NUFIP1: variants seen among roughly 807,000 people sequenced by gnomAD.
The protein encoded by NUFIP1 is FMR1-interacting protein NUFIP1.
NUFIP1 carries 38 observed loss-of-function variants against 56.2 expected under a neutral mutation model. That is an observed-to-expected ratio of 0.68 (90% CI 0.52 to 0.89). The LOEUF (loss-of-function observed/expected upper bound fraction) is 0.89. Among genes scored for constraint, NUFIP1 ranks in the 40% least tolerant of loss-of-function variants. The pLI is 0.00. For synonymous variants in NUFIP1, 215 were observed against 212.4 expected (o/e 1.01, Z -0.10); for missense variants, 567 against 605.8 (o/e 0.94, Z 0.67).
chr13:44,989,437 A>T lies in NUFIP1; in HGVS notation c.-1T>A. The T allele has an allele frequency of 3.1e-6, 5 of 1,613,052 alleles. No homozygotes were observed. The highest frequency in any genetic ancestry group is 4.2e-6 in the Non-Finnish European group (5 of 1,179,594). On this transcript the variant is annotated 5_prime_UTR_variant, in exon 1 of 10. Transcript: ENST00000379161. ...CGAAATCACTAGTCGGCTCAGCCAT[A>T]CCACTGGCGGGTCCGGAGTCTAGCA...
intron 1 of NUFIP1, among the ~76,000 whole-genome samples, chr13:44,982,618 T>G (rs1423825140): frequency 6.6e-6 from 1 of 151,810 alleles, no homozygotes; most frequent in Non-Finnish European, 1.5e-5. Flanking sequence ...TCCTATATTG[T>G]CTTCCAGTTC....
At chr13:44,969,244 G>A (rs1035055561) in intron 5 of NUFIP1, among the ~76,000 whole-genome samples, 7 of 151,544 alleles carry the variant, frequency 4.6e-5, no homozygotes, top group East Asian at 1.9e-4. Context: ...GCACATTATC[G>A]CAAAAAAGAA....
chr13:44,947,520 T>C (rs986970505), intron 8 of NUFIP1, among the ~76,000 whole-genome samples: 1 of 152,136 alleles, frequency 6.6e-6, no homozygotes, highest in Admixed American at 6.5e-5. Context: ...ATTGCAGACA[T>C]GAGCCACCGT....
intron 5 of NUFIP1, among the ~76,000 whole-genome samples, chr13:44,970,971 C>T (rs964844181): frequency 1.3e-4 from 20 of 152,246 alleles, no homozygotes; most frequent in African/African-American, 4.3e-4. Flanking sequence ...CCACCACGCC[C>T]GGCCCATAAT....
intron 1 of NUFIP1, among the ~76,000 whole-genome samples, chr13:44,984,707 G>T (rs1030389230): frequency 6.6e-6 from 1 of 151,954 alleles, no homozygotes; most frequent in Non-Finnish European, 1.5e-5. Context: ...ATGCAGAATT[G>T]AATTTTTTTT....
intron 1 of NUFIP1, among the ~76,000 whole-genome samples, chr13:44,984,051 T>C (rs1872294747): frequency 6.6e-6 from 1 of 152,168 alleles, no homozygotes; most frequent in South Asian, 2.1e-4. Context: ...TTTATTTTCT[T>C]ACCCTACCCT....
rs1022580031 is a variant in NUFIP1, at chr13:44,943,558, T to C, written c.1255A>G (p.Lys419Glu). The change falls in exon 9 of 10, where the codon AAG becomes GAG. Residue 419 changes from lysine to glutamate, a missense_variant. Transcript: ENST00000379161. ...KATVRNFSEA[K>E]SENRKKSFEK... ...AAGCTTTTCTTTCGGTTCTCACTCT[T>C]GGCTTCTGAAAAATTTCTAACAGTT... is the stretch of plus-strand genomic sequence containing the variant. 1.9e-6 allele frequency: 3 copies of C among 1,614,076 alleles called. No individual in the cohort carries two copies. The highest frequency in any genetic ancestry group is 2.5e-6 in the Non-Finnish European group (3 of 1,180,008).
intron 9 of NUFIP1, among the ~76,000 whole-genome samples, chr13:44,942,577 CAG>C (rs1870777155): frequency 6.6e-6 from 1 of 152,126 alleles, no homozygotes; most frequent in Admixed American, 6.5e-5. Flanking sequence ...CAAAACCAAA[CAG>C]ACTTTTCACA....
At chr13:44,950,064 A>G (rs151327843) in intron 7 of NUFIP1, among the ~76,000 whole-genome samples, 37 of 152,328 alleles carry the variant, frequency 2.4e-4, no homozygotes, top group Admixed American at 9.1e-4. Flanking sequence ...AGGAAGCTAT[A>G]TAGAGCTCAG....
intron 1 of NUFIP1, among the ~76,000 whole-genome samples, chr13:44,982,387 G>A (rs978507806): frequency 3.9e-5 from 6 of 152,138 alleles, no homozygotes; most frequent in South Asian, 2.1e-4. Context: ...AACTTTAGGC[G>A]TCAAAGTGCA....
At chr13:44,956,076 A>G (rs7322235) in intron 7 of NUFIP1, among the ~76,000 whole-genome samples, 15,702 of 149,182 alleles carry the variant, frequency 0.11, 1,610 homozygotes, top group African/African-American at 0.26. Flanking sequence ...CCCAGGGGGC[A>G]GAGCCTGCAG....
chr13:44,972,780 A>C (rs1871850500), intron 5 of NUFIP1, among the ~76,000 whole-genome samples: 1 of 152,224 alleles, frequency 6.6e-6, no homozygotes. Context: ...TGCTTCAGTT[A>C]CTTGTAGTCT....
rs1402105089 is a variant in NUFIP1 at position 44,966,728 on chromosome 13, T to C, written c.735-792A>G. Among the ~76,000 whole-genome samples the C allele has an allele frequency of 2.0e-5, 3 of 151,696 alleles. No individual in the cohort carries two copies. In the East Asian group the frequency reaches 5.9e-4, roughly 30 times the overall value. On this transcript the variant is annotated intron_variant, in intron 5 of 9. Coordinates refer to ENST00000379161, the MANE Select transcript of NUFIP1 (RefSeq NM_012345.3). ...GTGGCTCATGCCTGTAATCCCAGCA[T>C]TTTGGGAGGTTGAGGTGGGCGGATC... is the stretch of plus-strand genomic sequence containing the variant.
Position 44,941,294 on chromosome 13 carries a change from C to A in NUFIP1, c.1400G>T (p.Arg467Ile). ...CCGAACACACTGCAAAATCACATTT[C>A]TTTCATGTCGAATGTCCGGAGCTAG... is the stretch of plus-strand genomic sequence containing the variant. ...MLLAPDIRHE[R>I]NVILQCVRYI... Residue 467 changes from arginine to isoleucine, a missense_variant, in exon 10 of 10, where the codon AGA becomes ATA. Physicochemically the swap from Arg to Ile is moderately conservative, Grantham distance 97 (BLOSUM62 -3). Transcript: ENST00000379161. 6.2e-7 allele frequency: 1 copy of A among 1,610,094 alleles called. No individual in the cohort carries two copies. The highest frequency in any genetic ancestry group is 8.5e-7 in the Non-Finnish European group (1 of 1,178,788).
rs1446794408 is a variant in NUFIP1, at chr13:44,940,673, T to C, written c.*533A>G. The C allele has an allele frequency of 1.3e-5, 2 of 152,272 alleles. No homozygotes were observed. The highest frequency in any genetic ancestry group is 2.9e-5 in the Non-Finnish European group (2 of 68,060). 9.4% of individuals were successfully genotyped at this position (152,272 alleles called of 1,614,324 possible). ...TTCAATATTTGAGCTATGTAAGTCG[T>C]GCTAGTAGGTGAATTTAAACATGTC... is the stretch of plus-strand genomic sequence containing the variant. On this transcript the variant is annotated 3_prime_UTR_variant, in exon 10 of 10. Coordinates refer to ENST00000379161, the MANE Select transcript of NUFIP1 (RefSeq NM_012345.3).
At chr13:44,949,197 G>GTT (rs1285558068) in intron 8 of NUFIP1, among the ~76,000 whole-genome samples, 26 of 81,912 alleles carry the variant, frequency 3.2e-4, no homozygotes, top group African/African-American at 1.3e-3. Flanking sequence ...TCATTATATT[G>GTT]TATTTTTTTT....
At chr13:44,953,831 C>T (rs903090346) in intron 7 of NUFIP1, among the ~76,000 whole-genome samples, 1 of 152,130 alleles carries the variant, frequency 6.6e-6, no homozygotes, top group Non-Finnish European at 1.5e-5. Flanking sequence ...TGTCAAAGCT[C>T]ACTATACTTG....
intron 3 of NUFIP1, among the ~76,000 whole-genome samples, 199 bp downstream of exon 3, chr13:44,980,523 C>T (rs1191050262): frequency 6.6e-6 from 1 of 152,184 alleles, no homozygotes; most frequent in Admixed American, 6.5e-5. Flanking sequence ...TTCTTTGCTA[C>T]CATCTTACCT....
chr13:44,949,961 G>A (rs969227270), intron 7 of NUFIP1, 123 bp from the exon 8 acceptor site: 56 of 711,098 alleles, frequency 7.9e-5, no homozygotes, highest in Non-Finnish European at 1.3e-4. Context: ...CTTTCCAAAA[G>A]ACTAATTCTA....
Sources: gnomAD v4.1 joint callset for allele counts (sites outside exome capture counted in the v4.1 genomes callset) on GRCh38, gnomAD v4.1.1 for gene constraint, MANE v1.5 for transcripts, NCBI Gene and HGNC (gene_info 2026-07-23, HGNC 2026-07-21) for gene names.